The following AQR variants were observed in gnomAD, a reference collection of about 807,000 sequenced individuals.
The protein encoded by AQR is RNA helicase aquarius.
AQR carries 61 observed loss-of-function variants against 180.5 expected under a neutral mutation model. The observed-to-expected ratio is 0.34, with a 90% CI of 0.28 to 0.42. The LOEUF is 0.42. AQR is among the 10% of genes least tolerant of loss of function. The probability of loss-of-function intolerance (pLI) is 1.00; values close to 1 mark genes in which losing one functional copy is unlikely to be tolerated. For missense variants in AQR, 1,281 were observed against 1,798.3 expected (o/e 0.71, Z 5.20); for synonymous variants, 551 against 588.8 (o/e 0.94, Z 0.93).
intron 13 of AQR, among the ~76,000 whole-genome samples, chr15:34,924,710 C>A (rs144576674): frequency 0.013 from 2,029 of 152,130 alleles, 54 homozygotes; most frequent in African/African-American, 0.047. Flanking sequence ...GGGTTATAGG[C>A]GTGAGCTACC....
intron 33 of AQR, among the ~76,000 whole-genome samples, chr15:34,860,882 G>A (rs1356583112): frequency 6.6e-6 from 1 of 152,094 alleles, no homozygotes; most frequent in African/African-American, 2.4e-5. Context: ...AGAAGGTCTG[G>A]GTGGAATGAG....
At chr15:34,904,603 T>C in intron 18 of AQR, 98 bp from the exon 19 acceptor site, 1 of 1,197,954 alleles carries the variant, frequency 8.3e-7, no homozygotes, top group Non-Finnish European at 1.2e-6. Flanking sequence ...GAGTAAATGG[T>C]TCAGGCTTAA....
rs200568451 is a variant in AQR, at chr15:34,925,550, C to A, written c.1118+1485G>T. On this transcript the variant is annotated intron_variant, in intron 13 of 34. Coordinates refer to ENST00000156471, the MANE Select transcript of AQR (RefSeq NM_014691.3). Reference sequence around the variant, plus strand: ...CCAAAACTTAAAAATTAAAGATTCACCAAAAGGAGGCCAGGAGCGGTGGCT... The same window carrying A: ...CCAAAACTTAAAAATTAAAGATTCAACAAAAGGAGGCCAGGAGCGGTGGCT... 2.0e-5 allele frequency among the ~76,000 whole-genome samples: 3 copies of A among 152,246 alleles called. No homozygotes were observed. In the East Asian group the frequency reaches 5.8e-4, roughly 29 times the overall value.
At chr15:34,922,043 C>T (rs1893691274) in intron 13 of AQR, among the ~76,000 whole-genome samples, 1 of 152,192 alleles carries the variant, frequency 6.6e-6, no homozygotes, top group African/African-American at 2.4e-5. Flanking sequence ...AACTCCTAAG[C>T]TCAAGTGATC....
chr15:34,867,098 A>T (rs1453682736), intron 32 of AQR, among the ~76,000 whole-genome samples: 1 of 152,156 alleles, frequency 6.6e-6, no homozygotes, highest in East Asian at 1.9e-4. Context: ...TTCTTAATCC[A>T]GGGAGAACAA....
intron 27 of AQR, among the ~76,000 whole-genome samples, chr15:34,880,635 C>T (rs1289396696): frequency 6.6e-6 from 1 of 152,116 alleles, no homozygotes; most frequent in East Asian, 1.9e-4. Flanking sequence ...TGAAAGTGTT[C>T]ATGTGTTAAT....
chr15:34,905,989 G>A (rs1197736442), intron 18 of AQR, among the ~76,000 whole-genome samples: 3 of 151,912 alleles, frequency 2.0e-5, no homozygotes, highest in Non-Finnish European at 4.4e-5. Flanking sequence ...GGCCAAGATC[G>A]CGCCACTGCA....
intron 1 of AQR, 122 bp downstream of exon 1, chr15:34,969,417 G>A (rs2050331726): frequency 1.0e-6 from 1 of 992,302 alleles, no homozygotes; most frequent in African/African-American, 1.6e-5. Flanking sequence ...AGACGTGTGT[G>A]AATCAATTAA....
intron 12 of AQR, 146 bp downstream of exon 12, chr15:34,930,112 T>G (rs1357291614): frequency 2.0e-6 from 1 of 490,566 alleles, no homozygotes; most frequent in Non-Finnish European, 3.6e-6. Context: ...TTTTCAAGAA[T>G]TCATTGGAAA....
chr15:34,915,950 TAAA>T (rs879420485), intron 15 of AQR, among the ~76,000 whole-genome samples: 2 of 125,450 alleles, frequency 1.6e-5, no homozygotes, highest in African/African-American at 5.9e-5. Flanking sequence ...CCGTCTCAAA[TAAA>T]AAAAAAAAAA....
rs765603694 is a variant in AQR, at chr15:34,874,800, G to A, written c.3302C>T (p.Pro1101Leu). 1.9e-6 allele frequency: 3 copies of A among 1,613,866 alleles called. No homozygotes were observed. The highest frequency in any genetic ancestry group is 1.1e-5 in the South Asian group (1 of 91,066). The change falls in exon 29 of 35, where the codon CCT (proline) becomes CTT (leucine). Residue 1101 changes from proline (P) to leucine (L), a missense_variant. Transcript: ENST00000156471. ...AAAGGCCATGTTCTTAATAACTGGA[G>A]GTAACTGGTGATGATCGCCAATCAT... ...WIMIGDHHQL[P>L]PVIKNMAFQK... is the part of the protein sequence containing the mutation.
chr15:34,890,397 T>G (rs1046282371), intron 23 of AQR, 73 bp from the exon 24 acceptor site: 1 of 1,261,678 alleles, frequency 7.9e-7, no homozygotes, highest in Non-Finnish European at 1.1e-6. Flanking sequence ...AGAATCAAAG[T>G]TGAAACACAG....
At chr15:34,865,558 G>T (rs567279443) in intron 32 of AQR, among the ~76,000 whole-genome samples, 2 of 152,244 alleles carry the variant, frequency 1.3e-5, no homozygotes, top group African/African-American at 4.8e-5. Context: ...CTACTCTTAG[G>T]TCTACATCCA....
intron 28 of AQR, among the ~76,000 whole-genome samples, chr15:34,875,355 A>G (rs1048505092): frequency 9.8e-5 from 15 of 152,342 alleles, no homozygotes; most frequent in Non-Finnish European, 2.2e-4. Flanking sequence ...CTTGAAACAT[A>G]TCCTGATAGA....
chr15:34,949,055 TA>T (rs1894175101), intron 4 of AQR, among the ~76,000 whole-genome samples: 1 of 151,810 alleles, frequency 6.6e-6, no homozygotes, highest in African/African-American at 2.4e-5. Context: ...TACAATGGCG[TA>T]ATCTTGGCTC....
chr15:34,943,740 T>C (rs1458884807), intron 6 of AQR, among the ~76,000 whole-genome samples: 1 of 152,180 alleles, frequency 6.6e-6, no homozygotes, highest in Non-Finnish European at 1.5e-5. Flanking sequence ...AAAATATTAC[T>C]GAAAATATTT....
Position 34,964,109 on chromosome 15 carries a change from T to G in AQR, c.132+125A>C, listed in dbSNP as rs1362854544. 21 of 704,348 alleles carry G rather than the reference T, an allele frequency of 3.0e-5. No individual in the cohort carries two copies. In the South Asian group the frequency reaches 3.9e-4, roughly 13 times the overall value. The allele number at this position is 704,348 out of a possible 1,614,324, so 43.6% of individuals were successfully genotyped here. A position where few individuals can be genotyped will look rare whatever the true frequency, so the allele number is the denominator to read the frequency against. ...ATTGCTAAGTTTGATAAGCAAAAAA[T>G]TGTATTTTTTGTAGATCGTTAGGTT... On this transcript the variant is annotated intron_variant, in intron 2 of 34. Transcript: ENST00000156471.
At chr15:34,909,077 G>A (rs1893460307) in intron 17 of AQR, among the ~76,000 whole-genome samples, 1 of 152,208 alleles carries the variant, frequency 6.6e-6, no homozygotes. Context: ...GTAGGCATTT[G>A]TTAAACATTT....
chr15:34,941,915 A>G, intron 7 of AQR, 97 bp downstream of exon 7: 1 of 865,854 alleles, frequency 1.2e-6, no homozygotes, highest in South Asian at 3.0e-5. Context: ...AGGGGTATTT[A>G]GCTACCACTT....
Sources: gnomAD v4.1 joint callset for allele counts (sites outside exome capture counted in the v4.1 genomes callset) on GRCh38, gnomAD v4.1.1 for gene constraint, MANE v1.5 for transcripts, NCBI Gene and HGNC (gene_info 2026-07-23, HGNC 2026-07-21) for gene names.